ZDHHC5: variants seen among roughly 807,000 people sequenced by gnomAD.
ZDHHC5 encodes palmitoyltransferase ZDHHC5.
Under a neutral mutation model 70.0 loss-of-function variants are expected in ZDHHC5, and 22 were observed. The observed-to-expected ratio is 0.31, with a 90% CI of 0.22 to 0.45. The LOEUF (loss-of-function observed/expected upper bound fraction) is 0.45. ZDHHC5 is among the 20% of genes least tolerant of loss of function. ZDHHC5 has a pLI of 1.00. For missense variants in ZDHHC5, 746 were observed against 926.9 expected (o/e 0.80, Z 2.53); for synonymous variants, 313 against 347.8 (o/e 0.90, Z 1.11).
At chr11:57,696,494 T>C (rs1057395552) in intron 9 of ZDHHC5, among the ~76,000 whole-genome samples, 1 of 151,980 alleles carries the variant, frequency 6.6e-6, no homozygotes, top group East Asian at 1.9e-4. Context: ...CGCAGGAGGA[T>C]TGCTTGAGCC....
intron 1 of ZDHHC5, among the ~76,000 whole-genome samples, chr11:57,671,488 T>C (rs756877202): frequency 6.6e-5 from 10 of 152,226 alleles, no homozygotes; most frequent in Admixed American, 1.3e-4. Context: ...AGTGTTCTAA[T>C]GGGTGATTCC....
Position 57,668,149 on chromosome 11 carries a change from T to A in ZDHHC5, c.-1109T>A. ...GGACGGCACTGCCGGGAGGCGGCGG[T>A]GACAACGACGGCGGTGGTGACGGGC... On this transcript the variant is annotated 5_prime_UTR_variant, in exon 1 of 12. Coordinates refer to ENST00000287169, the MANE Select transcript of ZDHHC5 (RefSeq NM_015457.3). 2.7e-6 allele frequency: 1 copy of A among 368,368 alleles called. No homozygotes were observed. Among genetic ancestry groups the A allele is most frequent in the Non-Finnish European group, 4.8e-6 (1 of 207,032 alleles). 22.8% of individuals were successfully genotyped at this position (368,368 alleles called of 1,614,324 possible).
intron 6 of ZDHHC5, among the ~76,000 whole-genome samples, 158 bp downstream of exon 6, chr11:57,690,595 C>T (rs1173046103): frequency 6.6e-6 from 1 of 152,132 alleles, no homozygotes; most frequent in Non-Finnish European, 1.5e-5. Context: ...GTCCTAGTTC[C>T]TCATGTAAGT....
intron 5 of ZDHHC5, 42 bp downstream of exon 5, chr11:57,690,245 A>G (rs1590867128): frequency 6.2e-7 from 1 of 1,612,618 alleles, no homozygotes; most frequent in Non-Finnish European, 8.5e-7. Context: ...TGGAAGGGGG[A>G]GGAATGAGGG....
rs1946388778 is a variant in ZDHHC5 at position 57,698,603 on chromosome 11, G to C, written c.1167G>C (p.Glu389Asp). Residue 389 changes from glutamate (E) to aspartate (D), a missense_variant, in exon 11 of 12, where the codon GAG (glutamate) becomes GAC (aspartate). This residue lies in a region of ZDHHC5 where 179 missense variants were observed against 178.4 expected (regional missense o/e 1.00). Transcript: ENST00000287169. ...TGAAGGAGCCAACCTCAATTGCAGA[G>C]AGCAGCCGTCACCCCAGCTACCGCT... ...DSLKEPTSIAESSRHPSYRSE... is the reference protein window; with the variant it reads ...DSLKEPTSIADSSRHPSYRSE... The C allele has an allele frequency of 6.2e-7, 1 of 1,613,474 alleles. No homozygotes were observed. Among genetic ancestry groups the C allele is most frequent in the Non-Finnish European group, 8.5e-7 (1 of 1,179,626 alleles).
At chr11:57,687,589 A>T (rs1004989937) in intron 3 of ZDHHC5, among the ~76,000 whole-genome samples, 2 of 151,946 alleles carry the variant, frequency 1.3e-5, no homozygotes, top group African/African-American at 4.8e-5. Context: ...AAAAATTGCT[A>T]ACTGTATATG....
At chr11:57,690,502 T>C (rs1370373971) in intron 6 of ZDHHC5, 65 bp downstream of exon 6, 1 of 1,544,918 alleles carries the variant, frequency 6.5e-7, no homozygotes, top group African/African-American at 1.4e-5. Context: ...TTCTGATTAG[T>C]GTGCAGTGTA....
intron 1 of ZDHHC5, among the ~76,000 whole-genome samples, chr11:57,669,610 T>C (rs1401832737): frequency 6.6e-6 from 1 of 152,100 alleles, no homozygotes; most frequent in Non-Finnish European, 1.5e-5. Context: ...GCATGCCCCA[T>C]CACGCCCTGC....
intron 1 of ZDHHC5, among the ~76,000 whole-genome samples, chr11:57,669,046 A>G (rs555402607): frequency 6.6e-6 from 1 of 151,734 alleles, no homozygotes; most frequent in Non-Finnish European, 1.5e-5. Flanking sequence ...TCATCCTTCT[A>G]TCTCAGTATA....
rs573900463 is a variant in ZDHHC5 at position 57,698,601 on chromosome 11, G to C, written c.1165G>C (p.Glu389Gln). ...CTTGAAGGAGCCAACCTCAATTGCA[G>C]AGAGCAGCCGTCACCCCAGCTACCG... ...DSLKEPTSIA[E>Q]SSRHPSYRSE... Residue 389 changes from glutamate (E) to glutamine (Q), a missense_variant, in exon 11 of 12, where the codon GAG becomes CAG. By Grantham distance (29) the Glu-to-Gln change is conservative. Transcript: ENST00000287169. The C allele has an allele frequency of 1.1e-5, 17 of 1,613,120 alleles. No homozygotes were observed. The East Asian group carries it at 2.7e-4, about 25-fold the overall frequency.
At chr11:57,697,469 AAAAT>A (rs956474167) in intron 10 of ZDHHC5, among the ~76,000 whole-genome samples, 11 of 151,386 alleles carry the variant, frequency 7.3e-5, no homozygotes, top group Non-Finnish European at 5.9e-5. Flanking sequence ...TCTCAAAAAA[AAAAT>A]AAATAAATAA....
intron 3 of ZDHHC5, among the ~76,000 whole-genome samples, chr11:57,688,166 T>G (rs539049534): frequency 6.6e-6 from 1 of 152,232 alleles, no homozygotes; most frequent in Admixed American, 6.5e-5. Context: ...TGAACTCTTA[T>G]GCAAACTCAT....
intron 10 of ZDHHC5, 151 bp from the exon 11 acceptor site, chr11:57,698,408 T>A: frequency 8.8e-7 from 1 of 1,139,180 alleles, no homozygotes; most frequent in Admixed American, 2.5e-5. Context: ...CTGAATTCAG[T>A]TTTTCTTGAG....
In ZDHHC5 at chr11:57,682,467, C is replaced by T. The variant is rs1246579755; in HGVS notation, c.150C>T (p.Tyr50=). ...ATGTGTCACCTGCAGTGCCCATCTA[C>T]AATGCAATTATGTTTCTCTTTGTGT... is the stretch of plus-strand genomic sequence containing the variant. ...SLYVSPAVPI[Y]NAIMFLFVLA... is the part of the protein sequence containing the mutation. Residue 50 remains tyrosine (Y), a synonymous_variant, in exon 3 of 12, where the codon TAC becomes TAT. Coordinates refer to ENST00000287169, the MANE Select transcript of ZDHHC5 (RefSeq NM_015457.3). The T allele has an allele frequency of 6.2e-7, 1 of 1,614,062 alleles. No homozygotes were observed. Among genetic ancestry groups the T allele is most frequent in the Non-Finnish European group, 8.5e-7 (1 of 1,180,046 alleles).
At chr11:57,698,515 G>A in intron 10 of ZDHHC5, 44 bp from the exon 11 acceptor site, 1 of 1,539,474 alleles carries the variant, frequency 6.5e-7, no homozygotes, top group Non-Finnish European at 8.7e-7. Flanking sequence ...TCTAGCTTCT[G>A]TCACAAAAGG....
At chr11:57,677,281 T>C (rs1946084129) in intron 2 of ZDHHC5, among the ~76,000 whole-genome samples, 1 of 128,984 alleles carries the variant, frequency 7.8e-6, no homozygotes. Flanking sequence ...CTGCTTCACG[T>C]GATTTTTTTT....
At chr11:57,673,327 TC>T in intron 2 of ZDHHC5, 133 bp downstream of exon 2, 1 of 741,588 alleles carries the variant, frequency 1.3e-6, no homozygotes, top group Non-Finnish European at 2.2e-6. Flanking sequence ...TAAATCCAAA[TC>T]CCAGAGACAT....
intron 7 of ZDHHC5, 41 bp from the exon 8 acceptor site, chr11:57,693,742 T>G (rs1473361226): frequency 6.6e-7 from 1 of 1,506,036 alleles, no homozygotes. Context: ...GAATGAAAGC[T>G]CTCTCGCTGT....
rs971090599 is a variant in ZDHHC5, at chr11:57,700,202, G to A, written c.*171G>A. The A allele has an allele frequency of 2.0e-5, 17 of 840,394 alleles. No homozygotes were observed. The highest frequency in any genetic ancestry group is 2.4e-5 in the Non-Finnish European group (14 of 585,272). The allele number at this position is 840,394 out of a possible 1,614,324, so 52.1% of individuals were successfully genotyped here. A position where few individuals can be genotyped will look rare whatever the true frequency, so the allele number is the denominator to read the frequency against. On this transcript the variant is annotated 3_prime_UTR_variant, in exon 12 of 12. Coordinates refer to ENST00000287169, the MANE Select transcript of ZDHHC5 (RefSeq NM_015457.3). Reference sequence around the variant, plus strand: ...AATGCAGTAGGCTTGGGGAGTCGGAGAGTTGGGGCCCTGAGACTGGGGTAG... The same window carrying A: ...AATGCAGTAGGCTTGGGGAGTCGGAAAGTTGGGGCCCTGAGACTGGGGTAG...
Sources: gnomAD v4.1 joint callset for allele counts (sites outside exome capture counted in the v4.1 genomes callset) on GRCh38, gnomAD v4.1.1 for gene constraint, gnomAD v4.1.1 regional missense constraint, MANE v1.5 for transcripts, NCBI Gene and HGNC (gene_info 2026-07-23, HGNC 2026-07-21) for gene names.